Variants in SSBP2 observed in about 807,000 individuals in gnomAD.
The protein encoded by SSBP2 is single-stranded DNA-binding protein 2.
In SSBP2, 17 loss-of-function variants were observed where a neutral mutation model predicts 61.8. The ratio of observed to expected loss-of-function variants is 0.28; its 90% confidence interval spans 0.19 to 0.41. The LOEUF is 0.41. Among genes scored for constraint, SSBP2 ranks in the 10% least tolerant of loss-of-function variants. The pLI, the probability that SSBP2 is intolerant of heterozygous loss-of-function variation, is 1.00. For synonymous variants in SSBP2, 139 were observed against 141.3 expected (o/e 0.98, Z 0.12); for missense variants, 310 against 458.7 (o/e 0.68, Z 2.96).
At chr5:81,542,028 A>T (rs1300604834) in intron 4 of SSBP2, among the ~76,000 whole-genome samples, 5 of 152,256 alleles carry the variant, frequency 3.3e-5, no homozygotes, top group African/African-American at 1.2e-4. Flanking sequence ...CATTCAACAA[A>T]GGTCTAATAT....
chr5:81,446,702 A>G (rs939846572), intron 12 of SSBP2, among the ~76,000 whole-genome samples, 166 bp downstream of exon 12: 4 of 152,216 alleles, frequency 2.6e-5, no homozygotes, highest in African/African-American at 4.8e-5. Flanking sequence ...GCTTAACTGG[A>G]TAATACTTAT....
intron 6 of SSBP2, among the ~76,000 whole-genome samples, chr5:81,475,425 T>A (rs1033390002): frequency 6.6e-6 from 1 of 152,164 alleles, no homozygotes; most frequent in Non-Finnish European, 1.5e-5. Flanking sequence ...TCACTTGGGA[T>A]GAAGTAGGTA....
At chr5:81,485,397 A>G (rs1766308037) in intron 6 of SSBP2, among the ~76,000 whole-genome samples, 1 of 152,194 alleles carries the variant, frequency 6.6e-6, no homozygotes, top group South Asian at 2.1e-4. Flanking sequence ...CAAAGAATAT[A>G]CACCCTTATG....
chr5:81,453,482 G>A (rs1763916878), intron 10 of SSBP2, among the ~76,000 whole-genome samples: 1 of 145,268 alleles, frequency 6.9e-6, no homozygotes, highest in Non-Finnish European at 1.5e-5. Context: ...TTTTTGAGAC[G>A]GAGTCTTGCC....
intron 4 of SSBP2, among the ~76,000 whole-genome samples, chr5:81,574,845 C>T (rs1774087891): frequency 6.6e-6 from 1 of 152,066 alleles, no homozygotes; most frequent in Non-Finnish European, 1.5e-5. Flanking sequence ...AAACATCCCC[C>T]TCCCTCAAAA....
chr5:81,653,185 A>G (rs1024280840), intron 1 of SSBP2, among the ~76,000 whole-genome samples: 7 of 151,950 alleles, frequency 4.6e-5, no homozygotes, highest in South Asian at 2.1e-4. Flanking sequence ...CTTATGACTG[A>G]GAACATGTGG....
At chr5:81,429,013 C>A (rs190965239) in intron 15 of SSBP2, among the ~76,000 whole-genome samples, 40 of 152,068 alleles carry the variant, frequency 2.6e-4, no homozygotes, top group African/African-American at 9.2e-4. Flanking sequence ...CCAGCAGGGG[C>A]ATGATGAAGA....
intron 6 of SSBP2, among the ~76,000 whole-genome samples, chr5:81,482,351 C>G (rs1478117532): frequency 6.6e-6 from 1 of 152,100 alleles, no homozygotes; most frequent in African/African-American, 2.4e-5. Context: ...AATCAGCCTG[C>G]CCTTTAAAGC....
intron 4 of SSBP2, among the ~76,000 whole-genome samples, chr5:81,540,737 A>G (rs1467461116): frequency 2.0e-5 from 3 of 152,186 alleles, no homozygotes; most frequent in African/African-American, 7.2e-5. Flanking sequence ...AAAGAAACCA[A>G]AACATGTGTG....
rs1001621848 is a variant in SSBP2, at chr5:81,414,931, C to A, written c.*5573G>T. The A allele has an allele frequency of 6.6e-6, 1 of 152,144 alleles. No individual in the cohort carries two copies. The highest frequency in any genetic ancestry group is 1.5e-5 in the Non-Finnish European group (1 of 68,022). The allele number at this position is 152,144 out of a possible 1,614,324, so 9.4% of individuals were successfully genotyped here. ...AAACTTCATATTACTATTCCCAACA[C>A]ACACACACAGGTACACGCAACATAT... On this transcript the variant is annotated 3_prime_UTR_variant, in exon 17 of 17. Transcript: ENST00000320672.
At chr5:81,692,987 C>T (rs1461404648) in intron 1 of SSBP2, among the ~76,000 whole-genome samples, 10 of 151,810 alleles carry the variant, frequency 6.6e-5, no homozygotes, top group Non-Finnish European at 1.0e-4. Context: ...GGGTGGATCA[C>T]GAGGTCAGGA....
At chr5:81,583,430 C>A (rs945768021) in intron 4 of SSBP2, among the ~76,000 whole-genome samples, 1 of 151,878 alleles carries the variant, frequency 6.6e-6, no homozygotes, top group South Asian at 2.1e-4. Flanking sequence ...GAGATTGAGA[C>A]CATCCTGGCT....
At position 81,662,568 on chromosome 5, in the gene SSBP2, C is replaced by G. The variant is rs539481012; in HGVS notation, c.63-12229G>C. The stretch of plus-strand genomic sequence containing the variant: ...CCTGTAATCCCAACCCTTTGGGAGG[C>G]TGAGGCAGGTGAATCACGAGGTCAG... On this transcript the variant is annotated intron_variant, in intron 1 of 16. Coordinates refer to ENST00000320672, the MANE Select transcript of SSBP2 (RefSeq NM_012446.5). 2.0e-5 allele frequency among the ~76,000 whole-genome samples: 3 copies of G among 151,722 alleles called. No homozygotes were observed. In the South Asian group the frequency reaches 6.3e-4, roughly 32 times the overall value.
At chr5:81,558,670 A>G (rs753365373) in intron 4 of SSBP2, among the ~76,000 whole-genome samples, 1 of 152,228 alleles carries the variant, frequency 6.6e-6, no homozygotes, top group Non-Finnish European at 1.5e-5. Flanking sequence ...TCTTCAGGAA[A>G]TCAGAACAAC....
chr5:81,680,900 A>ACAGCACCATCAAT (rs1752335175), intron 1 of SSBP2, among the ~76,000 whole-genome samples: 1 of 152,200 alleles, frequency 6.6e-6, no homozygotes, highest in African/African-American at 2.4e-5. Flanking sequence ...CTTGAACTCA[A>ACAGCACCATCAAT]CAGCACCATC....
At chr5:81,614,697 C>A (rs1330239544) in intron 4 of SSBP2, among the ~76,000 whole-genome samples, 1 of 152,156 alleles carries the variant, frequency 6.6e-6, no homozygotes, top group African/African-American at 2.4e-5. Context: ...ACCAAGGAAA[C>A]TTGATTTCCT....
At chr5:81,623,688 T>G (rs1010985598) in intron 3 of SSBP2, among the ~76,000 whole-genome samples, 6 of 152,126 alleles carry the variant, frequency 3.9e-5, no homozygotes, top group Non-Finnish European at 7.4e-5. Context: ...GGGAAATAAT[T>G]TATTGATTTA....
chr5:81,561,429 A>G (rs1187271387), intron 4 of SSBP2, among the ~76,000 whole-genome samples: 1 of 152,170 alleles, frequency 6.6e-6, no homozygotes, highest in Admixed American at 6.5e-5. Context: ...ATTAATCTTA[A>G]AAAATAATTC....
At chr5:81,702,178 C>T (rs1754033157) in intron 1 of SSBP2, among the ~76,000 whole-genome samples, 1 of 152,088 alleles carries the variant, frequency 6.6e-6, no homozygotes, top group Non-Finnish European at 1.5e-5. Context: ...CAAGACCAGC[C>T]TGGCCAACAT....
Sources: gnomAD v4.1 joint callset for allele counts (sites outside exome capture counted in the v4.1 genomes callset) on GRCh38, gnomAD v4.1.1 for gene constraint, MANE v1.5 for transcripts, NCBI Gene and HGNC (gene_info 2026-07-23, HGNC 2026-07-21) for gene names.